The following MAGI2 variants were observed in gnomAD, a reference collection of about 807,000 sequenced individuals.
MAGI2 encodes the protein membrane associated guanylate kinase, WW and PDZ domain containing 2.
MAGI2 carries 35 observed loss-of-function variants against 133.3 expected under a neutral mutation model. The ratio of observed to expected loss-of-function variants is 0.26; its 90% CI spans 0.20 to 0.35. MAGI2 has a LOEUF of 0.35. Ranked by LOEUF, MAGI2 falls within the 10% of genes least tolerant of loss-of-function variation. The pLI is 1.00. For synonymous variants in MAGI2, 729 were observed against 710.6 expected (o/e 1.03, Z -0.41); for missense variants, 1,636 against 1,863.4 (o/e 0.88, Z 2.25).
chr7:78,483,021 A>C (rs1792582200), intron 6 of MAGI2, among the ~76,000 whole-genome samples: 1 of 151,146 alleles, frequency 6.6e-6, no homozygotes, highest in African/African-American at 2.4e-5. Context: ...TATTGTATAT[A>C]TGTACTTGTA....
intron 1 of MAGI2, among the ~76,000 whole-genome samples, chr7:79,425,924 T>C (rs1847340577): frequency 6.6e-6 from 1 of 152,070 alleles, no homozygotes; most frequent in Admixed American, 6.6e-5. Flanking sequence ...AACTCAGTGT[T>C]TGAACTTGAA....
intron 9 of MAGI2, among the ~76,000 whole-genome samples, chr7:78,278,589 G>A (rs528758555): frequency 1.3e-4 from 20 of 152,178 alleles, no homozygotes; most frequent in Non-Finnish European, 2.2e-4. Flanking sequence ...CCCTAATCTC[G>A]ATGTTGCTTG....
At chr7:78,934,295 C>T (rs996644178) in intron 2 of MAGI2, among the ~76,000 whole-genome samples, 5 of 152,002 alleles carry the variant, frequency 3.3e-5, no homozygotes, top group African/African-American at 9.7e-5. Flanking sequence ...GTAGAGACAG[C>T]GTTTTACTAC....
chr7:78,816,237 G>A (rs1461945262), intron 2 of MAGI2, among the ~76,000 whole-genome samples: 2 of 152,144 alleles, frequency 1.3e-5, no homozygotes, highest in East Asian at 1.9e-4. Context: ...AAGAGGTGAG[G>A]AAGTTGCAGA....
chr7:78,703,431 T>C (rs946302510), intron 2 of MAGI2, among the ~76,000 whole-genome samples: 9 of 151,986 alleles, frequency 5.9e-5, no homozygotes, highest in African/African-American at 2.2e-4. Context: ...CATTTTGAGA[T>C]TGAACGTGTG....
At chr7:78,170,734 C>A (rs913350504) in intron 14 of MAGI2, 2 of 151,898 alleles carry the variant, frequency 1.3e-5, no homozygotes, top group Admixed American at 1.3e-4. Context: ...GCAGTATATT[C>A]AATTACCCCT....
chr7:79,202,794 T>C (rs936028352), intron 1 of MAGI2, among the ~76,000 whole-genome samples: 1 of 152,006 alleles, frequency 6.6e-6, no homozygotes, highest in African/African-American at 2.4e-5. Flanking sequence ...AAACCTGTAC[T>C]ACTTATATTT....
chr7:78,898,342 G>A (rs1797364202), intron 2 of MAGI2, among the ~76,000 whole-genome samples: 1 of 152,070 alleles, frequency 6.6e-6, no homozygotes, highest in African/African-American at 2.4e-5. Context: ...TATCATAAAG[G>A]CACATGCATG....
intron 2 of MAGI2, among the ~76,000 whole-genome samples, chr7:78,751,006 T>C (rs1039901331): frequency 6.6e-6 from 1 of 152,164 alleles, no homozygotes; most frequent in Non-Finnish European, 1.5e-5. Flanking sequence ...TTTGTCTCTC[T>C]AGACAGAACA....
intron 1 of MAGI2, among the ~76,000 whole-genome samples, chr7:79,084,463 A>C (rs1431873268): frequency 6.6e-6 from 1 of 151,538 alleles, no homozygotes; most frequent in Non-Finnish European, 1.5e-5. Flanking sequence ...GATTTTCCAA[A>C]TTTTCCTCTA....
chr7:79,382,549 CTATT>C (rs1300820528), intron 1 of MAGI2, among the ~76,000 whole-genome samples: 1 of 151,490 alleles, frequency 6.6e-6, no homozygotes, highest in Non-Finnish European at 1.5e-5. Flanking sequence ...TCTGGAGTAA[CTATT>C]TAACATACCT....
chr7:78,501,479 T>C, intron 5 of MAGI2, 98 bp downstream of exon 5: 1 of 1,088,812 alleles, frequency 9.2e-7, no homozygotes, highest in Non-Finnish European at 1.3e-6. Flanking sequence ...ATTTCATGTT[T>C]TTTTCTTTTT....
At chr7:79,289,818 T>C (rs1441783910) in intron 1 of MAGI2, among the ~76,000 whole-genome samples, 1 of 152,178 alleles carries the variant, frequency 6.6e-6, no homozygotes, top group Non-Finnish European at 1.5e-5. Context: ...CAAGTTTTAG[T>C]TCACTTTTTT....
At position 78,924,850 on chromosome 7, in the gene MAGI2, C is replaced by CTATTAT. The variant is rs1451085439; in HGVS notation, c.418+82239_418+82240insATAATA. 5.2e-3 allele frequency among the ~76,000 whole-genome samples: 765 copies of CTATTAT among 147,732 alleles called. 9 individuals are homozygous for CTATTAT. The highest frequency in any genetic ancestry group is 7.3e-3 in the Non-Finnish European group (493 of 67,514). ...CCCTTCTACATTATTATTATTATTACTACTATTATTATTATTATTATTATT... is the reference window on the plus strand; with the variant it reads ...CCCTTCTACATTATTATTATTATTACTATTATTACTATTATTATTATTATTATTATT... On this transcript the variant is annotated intron_variant, in intron 2 of 21. Transcript: ENST00000354212.
intron 2 of MAGI2, among the ~76,000 whole-genome samples, chr7:78,790,724 G>A (rs569025219): frequency 5.1e-4 from 78 of 152,174 alleles, no homozygotes; most frequent in Non-Finnish European, 9.7e-4. Flanking sequence ...GTGAGCCACC[G>A]TGCCCGGCCC....
intron 6 of MAGI2, among the ~76,000 whole-genome samples, chr7:78,446,383 G>A (rs957473157): frequency 3.9e-5 from 6 of 151,986 alleles, no homozygotes; most frequent in Non-Finnish European, 7.4e-5. Flanking sequence ...AACATATCCT[G>A]GAAGGACATA....
At chr7:78,775,012 T>C (rs751941586) in intron 2 of MAGI2, among the ~76,000 whole-genome samples, 4 of 152,040 alleles carry the variant, frequency 2.6e-5, no homozygotes, top group Non-Finnish European at 5.9e-5. Flanking sequence ...CTTACATATA[T>C]ATAGAAGCCT....
intron 1 of MAGI2, among the ~76,000 whole-genome samples, chr7:79,377,438 T>C (rs2129139566): frequency 6.6e-6 from 1 of 151,966 alleles, no homozygotes; most frequent in Admixed American, 6.6e-5. Context: ...ACGAGATTCA[T>C]TGCCATCCAT....
chr7:78,091,031 G>A (rs1817146519), intron 20 of MAGI2, among the ~76,000 whole-genome samples: 1 of 144,526 alleles, frequency 6.9e-6, no homozygotes, highest in Non-Finnish European at 1.5e-5. Context: ...ACATCGTAGT[G>A]ACTGATGTGT....
Sources: gnomAD v4.1 joint callset for allele counts (sites outside exome capture counted in the v4.1 genomes callset) on GRCh38, gnomAD v4.1.1 for gene constraint, MANE v1.5 for transcripts, NCBI Gene and HGNC (gene_info 2026-07-23, HGNC 2026-07-21) for gene names.